The following CDC25A variants were observed in gnomAD, a reference collection of about 807,000 sequenced individuals.
CDC25A encodes M-phase inducer phosphatase 1.
In CDC25A, 17 loss-of-function variants were observed where a neutral mutation model predicts 64.6. That is an observed-to-expected ratio of 0.26 (90% CI 0.18 to 0.39). CDC25A has a LOEUF of 0.39. Among genes scored for constraint, CDC25A ranks in the 10% least tolerant of loss-of-function variants. CDC25A has a pLI of 1.00. For synonymous variants in CDC25A, 229 were observed against 238.6 expected (o/e 0.96, Z 0.37); for missense variants, 473 against 654.8 (o/e 0.72, Z 3.03).
intron 3 of CDC25A, among the ~76,000 whole-genome samples, chr3:48,184,304 G>C (rs2032771820): frequency 6.6e-6 from 1 of 152,072 alleles, no homozygotes. Context: ...GGAGGTTGCA[G>C]TGAGCCACTG....
chr3:48,160,239 A>G (rs1268970004), intron 13 of CDC25A, among the ~76,000 whole-genome samples: 1 of 151,846 alleles, frequency 6.6e-6, no homozygotes, highest in Non-Finnish European at 1.5e-5. Flanking sequence ...CAGCCTCCCA[A>G]ATAGCTGGGA....
chr3:48,168,360 CCACACACACACACACACACACACA>C (rs58104019), intron 9 of CDC25A, among the ~76,000 whole-genome samples: 14 of 106,536 alleles, frequency 1.3e-4, no homozygotes, highest in African/African-American at 3.8e-4. Context: ...AAGACCCTGT[CCACACACACACACACACACACACA>C]CACACACACA....
chr3:48,187,698 G>T, intron 1 of CDC25A, 80 bp downstream of exon 1: 2 of 1,365,586 alleles, frequency 1.5e-6, no homozygotes, highest in South Asian at 1.4e-5. Flanking sequence ...CCCTTCTCCC[G>T]GTCCGTTTCC....
At chr3:48,167,649 T>C (rs947942880) in intron 10 of CDC25A, among the ~76,000 whole-genome samples, 197 bp downstream of exon 10, 2 of 152,222 alleles carry the variant, frequency 1.3e-5, no homozygotes, top group Non-Finnish European at 2.9e-5. Flanking sequence ...TCAGCTATAG[T>C]GATATCTACA....
Position 48,158,949 on chromosome 3 carries a change from A to G in CDC25A, c.1571T>C (p.Leu524Pro). 1 of 1,614,056 alleles carries G rather than the reference A, an allele frequency of 6.2e-7. No homozygotes were observed. Among genetic ancestry groups the G allele is most frequent in the Non-Finnish European group, 8.5e-7 (1 of 1,179,984 alleles). Residue 524 changes from leucine (L) to proline (P), a missense_variant, in exon 15 of 15, where the codon CTC becomes CCC. Transcript: ENST00000302506. ...KREMYSRLKK[L>P] is the part of the protein sequence containing the mutation. ...TGCTGGCTGGTCCTGCCGCCCTCAG[A>G]GCTTCTTCAGACGACTGTACATCTC...
intron 14 of CDC25A, 40 bp downstream of exon 14, chr3:48,159,304 G>T: frequency 6.9e-7 from 1 of 1,445,666 alleles, no homozygotes; most frequent in Non-Finnish European, 9.7e-7. Flanking sequence ...TACCACTGGG[G>T]GCAGGGGAGG....
At chr3:48,166,907 C>G (rs1314645098) in intron 10 of CDC25A, among the ~76,000 whole-genome samples, 1 of 152,136 alleles carries the variant, frequency 6.6e-6, no homozygotes, top group African/African-American at 2.4e-5. Context: ...ATAGTAAGAC[C>G]ACATCTCTCC....
chr3:48,162,952 A>G (rs2106690866), intron 13 of CDC25A, among the ~76,000 whole-genome samples: 1 of 152,050 alleles, frequency 6.6e-6, no homozygotes, highest in East Asian at 1.9e-4. Flanking sequence ...GGAGTTTGAG[A>G]CCAACCTGGC....
chr3:48,180,747 T>A lies in CDC25A; in HGVS notation c.523A>T (p.Arg175Trp). 3 of 1,614,152 alleles carry A rather than the reference T, an allele frequency of 1.9e-6. No homozygotes were observed. The South Asian group carries it at 3.3e-5, about 18-fold the overall frequency. ...ATCCGAGCTGGGGCAGAGTTCTGCC[T>A]CTGTGTGAAGAGATCTTTACCCTCC... ...LQEGKDLFTQ[R>W]QNSAPARMLS... The change falls in exon 6 of 15, where the codon AGG (arginine) becomes TGG (tryptophan). Residue 175 changes from arginine (R) to tryptophan (W), a missense_variant. Physicochemically the swap from Arg to Trp is moderately radical, Grantham distance 101. This residue lies in a region of CDC25A where 376 missense variants were observed against 431.9 expected (regional missense o/e 0.87). Coordinates refer to ENST00000302506, the MANE Select transcript of CDC25A (RefSeq NM_001789.3).
rs142011702 is a variant in CDC25A, at chr3:48,182,952, C to T, written c.406G>A (p.Asp136Asn). The T allele has an allele frequency of 1.1e-5, 17 of 1,611,424 alleles. No homozygotes were observed. In the African/African-American group the frequency reaches 1.1e-4, roughly 10 times the overall value. The change falls in exon 5 of 15, where the codon GAC becomes AAC. Residue 136 changes from aspartate (D) to asparagine (N), a missense_variant. Asp to Asn is a conservative substitution (Grantham distance 23). This residue lies in a region of CDC25A where 376 missense variants were observed against 431.9 expected (regional missense o/e 0.87). Coordinates refer to ENST00000302506, the MANE Select transcript of CDC25A (RefSeq NM_001789.3). Reference protein sequence around the residue: ...SLDHDIFQLIDPDENKENEAF... With the variant: ...SLDHDIFQLINPDENKENEAF... ...ACATTTTCCTTGTTCTCATCTGGGT[C>T]GATGAGCTGAAAGATGTCATGGTCA...
intron 14 of CDC25A, 110 bp downstream of exon 14, chr3:48,159,233 AC>A: frequency 7.9e-7 from 1 of 1,261,500 alleles, no homozygotes; most frequent in Non-Finnish European, 1.1e-6. Flanking sequence ...TTCAGCAGAT[AC>A]CCACCTTGTC....
At chr3:48,170,657 TG>T (rs1250105789) in intron 9 of CDC25A, among the ~76,000 whole-genome samples, 1 of 152,284 alleles carries the variant, frequency 6.6e-6, no homozygotes, top group East Asian at 1.9e-4. Context: ...TGGCCATGAG[TG>T]ATCAACTTGA....
chr3:48,159,809 ACCT>A (rs1431155011), intron 13 of CDC25A, among the ~76,000 whole-genome samples: 1 of 151,222 alleles, frequency 6.6e-6, no homozygotes, highest in Non-Finnish European at 1.5e-5. Flanking sequence ...TCCCTCACTC[ACCT>A]CCTTCTACAT....
intron 9 of CDC25A, among the ~76,000 whole-genome samples, chr3:48,173,536 C>T (rs2032345108): frequency 6.6e-6 from 1 of 152,210 alleles, no homozygotes; most frequent in Admixed American, 6.5e-5. Flanking sequence ...AATCATTCTA[C>T]TAGTCAACAC....
intron 9 of CDC25A, among the ~76,000 whole-genome samples, chr3:48,171,625 C>A (rs2032274054): frequency 6.6e-6 from 1 of 152,052 alleles, no homozygotes; most frequent in Admixed American, 6.5e-5. Context: ...GTGATCCACC[C>A]GCCTTGTCCT....
rs760496535 is a variant in CDC25A, at chr3:48,180,735, C to T, written c.535G>A (p.Ala179Thr). Residue 179 changes from alanine (A) to threonine (T), a missense_variant, in exon 6 of 15, where the codon GCC becomes ACC. Transcript: ENST00000302506. ...AGAGCACATACCATCCGAGCTGGGG[C>T]AGAGTTCTGCCTCTGTGTGAAGAGA... The part of the protein sequence containing the change: ...KDLFTQRQNS[A>T]PARMLSSNER... The T allele has an allele frequency of 6.2e-7, 1 of 1,614,074 alleles. No individual in the cohort carries two copies. Among genetic ancestry groups the T allele is most frequent in the Non-Finnish European group, 8.5e-7 (1 of 1,179,960 alleles).
chr3:48,177,704 T>A, intron 7 of CDC25A, 150 bp downstream of exon 7: 1 of 899,212 alleles, frequency 1.1e-6, no homozygotes, highest in South Asian at 1.5e-5. Flanking sequence ...GGTAGCCCTA[T>A]TATTAAATGA....
intron 13 of CDC25A, among the ~76,000 whole-genome samples, chr3:48,163,250 T>C (rs2031859890): frequency 7.0e-6 from 1 of 143,406 alleles, no homozygotes; most frequent in South Asian, 2.2e-4. Context: ...GCCACTGCAT[T>C]CCAGTCTGGG....
chr3:48,174,420 CACA>C lies in CDC25A; in HGVS notation c.791_793del (p.Leu264_Cys265delinsArg). 1 of 1,613,808 alleles carries C rather than the reference CACA, an allele frequency of 6.2e-7. No homozygotes were observed. Among genetic ancestry groups the C allele is most frequent in the Non-Finnish European group, 8.5e-7 (1 of 1,179,930 alleles). On this transcript the variant is annotated inframe_deletion, in exon 9 of 15. Transcript: ENST00000302506. ...CAACACTGACCGAGTGCTGGAGCTA[CACA>C]GGGAAGGGGAGTCAAACAGCTTGCA...
Sources: allele counts gnomAD v4.1 joint callset (sites outside exome capture counted in the v4.1 genomes callset), GRCh38; gene constraint gnomAD v4.1.1; regional missense constraint gnomAD v4.1.1; transcripts MANE v1.5; gene names NCBI Gene and HGNC (gene_info 2026-07-23, HGNC 2026-07-21).